The following XRN1 variants were observed in gnomAD, a reference collection of about 807,000 sequenced individuals.
XRN1 encodes strand-exchange protein 1 homolog.
Under a neutral mutation model 222.3 loss-of-function variants are expected in XRN1, and 67 were observed. The observed-to-expected ratio is 0.30, with a 90% CI of 0.25 to 0.37. XRN1 has a LOEUF of 0.37. XRN1 is among the 10% of genes least tolerant of loss of function. The pLI, the probability that XRN1 is intolerant of heterozygous loss-of-function variation, is 1.00. For missense variants in XRN1, 1,707 were observed against 2,000.2 expected, an observed-to-expected ratio of 0.85 and a Z score of 2.80; for synonymous variants, 643 against 652.4, an observed-to-expected ratio of 0.99 and a Z score of 0.22.
chr3:142,336,491 G>A (rs1010585677), intron 33 of XRN1, among the ~76,000 whole-genome samples: 12 of 151,688 alleles, frequency 7.9e-5, no homozygotes, highest in African/African-American at 1.2e-4. Context: ...AAGAAAGAGA[G>A]GCTGAGGAAA....
chr3:142,429,497 A>C (rs576711743), intron 2 of XRN1, among the ~76,000 whole-genome samples: 1 of 152,166 alleles, frequency 6.6e-6, no homozygotes, highest in African/African-American at 2.4e-5. Flanking sequence ...TGGTGGGGAT[A>C]AAAGAAGGCA....
At position 142,318,845 on chromosome 3, in the gene XRN1, C is replaced by T; in HGVS notation, c.4463G>A (p.Cys1488Tyr). 1.2e-6 allele frequency: 2 copies of T among 1,613,966 alleles called. No individual in the cohort carries two copies. Among genetic ancestry groups the T allele is most frequent in the African/African-American group, 1.3e-5 (1 of 75,048 alleles). Residue 1488 changes from cysteine (C) to tyrosine (Y), a missense_variant, in exon 38 of 41, where the codon TGC becomes TAC. By Grantham distance (194) the Cys-to-Tyr change is radical. Around this residue, in one of 2 missense-constraint regions of XRN1, gnomAD observed 473 missense variants for 482.0 expected, o/e 0.98. Transcript: ENST00000392981. ...SNGLLVHGPQ[C>Y]HSENEAKEKA... ...CTCTTTGGCTTCATTTTCAGAGTGG[C>T]ACTGTGGCCCATGTACCAGTAAGCC...
At chr3:142,422,306 C>G (rs1434053940) in intron 8 of XRN1, among the ~76,000 whole-genome samples, 1 of 151,934 alleles carries the variant, frequency 6.6e-6, no homozygotes, top group Non-Finnish European at 1.5e-5. Context: ...GCCTGGGCAA[C>G]AGAGCAAGAC....
chr3:142,372,304 T>C (rs1442849034), intron 25 of XRN1, among the ~76,000 whole-genome samples: 4 of 152,094 alleles, frequency 2.6e-5, no homozygotes, highest in Admixed American at 2.6e-4. Context: ...TACTATACAA[T>C]GTGTCACTAG....
At chr3:142,397,979 T>G (rs1162558533) in intron 19 of XRN1, among the ~76,000 whole-genome samples, 2 of 152,304 alleles carry the variant, frequency 1.3e-5, no homozygotes, top group East Asian at 3.9e-4. Context: ...CAGTGGCTCA[T>G]GCCTGTAATC....
At chr3:142,408,168 T>C (rs1029034777) in intron 15 of XRN1, among the ~76,000 whole-genome samples, 60 of 152,172 alleles carry the variant, frequency 3.9e-4, no homozygotes, top group African/African-American at 1.2e-3. Flanking sequence ...CCAACACCCA[T>C]AGGGGTAGCT....
At chr3:142,328,392 C>T (rs2065580224) in intron 37 of XRN1, among the ~76,000 whole-genome samples, 1 of 151,846 alleles carries the variant, frequency 6.6e-6, no homozygotes, top group Admixed American at 6.6e-5. Flanking sequence ...CTTCATTGAC[C>T]CAAGGGCCAT....
chr3:142,383,844 T>C (rs895796421), intron 21 of XRN1, among the ~76,000 whole-genome samples: 17 of 152,026 alleles, frequency 1.1e-4, no homozygotes, highest in Admixed American at 3.3e-4. Context: ...GTATCTAAGA[T>C]TATAAATGCA....
In XRN1 at chr3:142,438,543, G is replaced by A. The variant is rs552462459; in HGVS notation, c.76-5650C>T. On this transcript the variant is annotated intron_variant, in intron 1 of 40. Coordinates refer to ENST00000392981, the MANE Select transcript of XRN1 (RefSeq NM_001282857.2). ...TCATTGGAAAATGACTAGGGGTGCT[G>A]GCATCCCTCTGTTCTTTTTTCAGAT... Among the ~76,000 whole-genome samples the A allele has an allele frequency of 2.6e-5, 4 of 152,258 alleles. No individual in the cohort carries two copies. The South Asian group carries it at 8.3e-4, about 32-fold the overall frequency.
At position 142,312,052 on chromosome 3, in the gene XRN1, C is replaced by T. The variant is rs191513357; in HGVS notation, c.4783-239G>A. Among the ~76,000 whole-genome samples the T allele has an allele frequency of 3.1e-3, 470 of 152,052 alleles. 2 individuals carry two copies. Among genetic ancestry groups the T allele is most frequent in the African/African-American group, 9.3e-3 (387 of 41,480 alleles). ...CTGTAATATCAGCACTTTGGGAGGC[C>T]GAGGCAGGTGGATCGGTAGAGACCT... On this transcript the variant is annotated intron_variant, in intron 40 of 40. Transcript: ENST00000392981.
chr3:142,355,201 C>T, intron 32 of XRN1, 200 bp downstream of exon 32: 1 of 297,514 alleles, frequency 3.4e-6, no homozygotes, highest in Non-Finnish European at 6.1e-6. Flanking sequence ...ATTCATGTAA[C>T]AAACCTGTAC....
chr3:142,332,724 C>T (rs2065735057), intron 35 of XRN1, 190 bp from the exon 36 acceptor site: 2 of 722,922 alleles, frequency 2.8e-6, no homozygotes, highest in South Asian at 3.0e-5. Flanking sequence ...CGATACTTAT[C>T]CTCCTGCTTA....
At chr3:142,388,305 T>C (rs903152112) in intron 20 of XRN1, among the ~76,000 whole-genome samples, 4 of 152,234 alleles carry the variant, frequency 2.6e-5, no homozygotes, top group African/African-American at 9.6e-5. Context: ...AATAACATTT[T>C]CTTCTATCTT....
At chr3:142,360,558 T>TA (rs879710213) in intron 29 of XRN1, among the ~76,000 whole-genome samples, 83 of 149,322 alleles carry the variant, frequency 5.6e-4, no homozygotes, top group East Asian at 1.2e-3. Context: ...ATGTACTTTT[T>TA]TAAAAAAAAA....
At chr3:142,358,760 A>T (rs2066536099) in intron 30 of XRN1, among the ~76,000 whole-genome samples, 1 of 152,200 alleles carries the variant, frequency 6.6e-6, no homozygotes, top group Admixed American at 6.5e-5. Context: ...TTGAATAACA[A>T]GCATATTTAA....
At chr3:142,355,295 C>T in intron 32 of XRN1, 106 bp downstream of exon 32, 1 of 521,686 alleles carries the variant, frequency 1.9e-6, no homozygotes. Flanking sequence ...TTGTCATTTT[C>T]TATTTTATGA....
At chr3:142,435,764 A>G (rs1221301496) in intron 1 of XRN1, among the ~76,000 whole-genome samples, 2 of 140,090 alleles carry the variant, frequency 1.4e-5, no homozygotes, top group East Asian at 2.0e-4. Flanking sequence ...CCACCCCCCA[A>G]AAAAAAAAAA....
chr3:142,324,748 C>A (rs1487167839), intron 37 of XRN1, among the ~76,000 whole-genome samples: 2 of 151,934 alleles, frequency 1.3e-5, no homozygotes, highest in African/African-American at 4.9e-5. Context: ...CATATCCTCT[C>A]CAGCACCTGT....
rs955145036 is a variant in XRN1, at chr3:142,423,552, T to C, written c.710+8A>G. 2 of 1,595,256 alleles carry C rather than the reference T, an allele frequency of 1.3e-6. No individual in the cohort carries two copies. Among genetic ancestry groups the C allele is most frequent in the African/African-American group, 1.4e-5 (1 of 73,972 alleles). The stretch of plus-strand genomic sequence containing the variant: ...TCTTTCTTCCAACATATATGCTATA[T>C]AATTTACCGTTGTGTTTTTTTGCCA... On this transcript the variant is annotated splice_region_variant and intron_variant, in intron 6 of 40. Coordinates refer to ENST00000392981, the MANE Select transcript of XRN1 (RefSeq NM_001282857.2).
Sources: allele counts gnomAD v4.1 joint callset (sites outside exome capture counted in the v4.1 genomes callset), GRCh38; gene constraint gnomAD v4.1.1; regional missense constraint gnomAD v4.1.1; transcripts MANE v1.5; gene names NCBI Gene and HGNC (gene_info 2026-07-23, HGNC 2026-07-21).